ADAMTS3: variants seen among roughly 807,000 people sequenced by gnomAD.
ADAMTS3 encodes A disintegrin and metalloproteinase with thrombospondin motifs 3.
A neutral mutation model predicts 129.0 loss-of-function variants in ADAMTS3; 73 were observed. The observed-to-expected ratio is 0.57, with a 90% confidence interval of 0.47 to 0.69. ADAMTS3 has a LOEUF of 0.69. Ranked by LOEUF, ADAMTS3 falls within the 30% of genes least tolerant of loss-of-function variation. ADAMTS3 has a pLI of 0.00. For missense variants in ADAMTS3, 1,457 were observed against 1,514.5 expected (o/e 0.96, Z 0.63); for synonymous variants, 477 against 510.8 (o/e 0.93, Z 0.89).
At chr4:72,455,850 T>G (rs1157032350) in intron 3 of ADAMTS3, among the ~76,000 whole-genome samples, 9 of 118,730 alleles carry the variant, frequency 7.6e-5, no homozygotes, top group African/African-American at 3.3e-4. Context: ...ATACTATATA[T>G]TTTATATATA....
At position 72,349,722 on chromosome 4, in the gene ADAMTS3, ATC is replaced by A. The variant is rs372834157; in HGVS notation, c.662-10031_662-10030del. ...TATCCTGATTAAAAATTTACTTCAT[ATC>A]TCTTTGTTATGATGCAATAAAATTT... On this transcript the variant is annotated intron_variant, in intron 4 of 21. Transcript: ENST00000286657. Among the ~76,000 whole-genome samples, 469 of 152,162 alleles carry A rather than the reference ATC, an allele frequency of 3.1e-3. 3 individuals carry two copies. The highest frequency in any genetic ancestry group is 0.011 in the African/African-American group (453 of 41,544).
chr4:72,528,214 T>TAA (rs71821571), intron 3 of ADAMTS3, among the ~76,000 whole-genome samples: 30 of 148,468 alleles, frequency 2.0e-4, no homozygotes, highest in East Asian at 5.9e-4. Context: ...ATTCTCTCTT[T>TAA]AAAAAAAAAA....
In ADAMTS3 at chr4:72,521,182, G is replaced by C. The variant is rs1288586542; in HGVS notation, c.504+27296C>G. 2.0e-5 allele frequency among the ~76,000 whole-genome samples: 3 copies of C among 151,990 alleles called. No individual in the cohort carries two copies. The East Asian group carries it at 5.8e-4, about 29-fold the overall frequency. ...CCAGCTAATTTTTGTAGTTTTAGTAGAGACAGGGTTTCACCATGTTGGCCA... is the reference window on the plus strand; with the variant it reads ...CCAGCTAATTTTTGTAGTTTTAGTACAGACAGGGTTTCACCATGTTGGCCA... On this transcript the variant is annotated intron_variant, in intron 3 of 21. Transcript: ENST00000286657.
At chr4:72,314,977 G>A (rs1256018563) in intron 11 of ADAMTS3, among the ~76,000 whole-genome samples, 1 of 152,086 alleles carries the variant, frequency 6.6e-6, no homozygotes, top group Non-Finnish European at 1.5e-5. Flanking sequence ...TTTGTTTTGG[G>A]ATCTTTGCCC....
chr4:72,303,280 A>G (rs1368936969), intron 17 of ADAMTS3, among the ~76,000 whole-genome samples: 5 of 151,928 alleles, frequency 3.3e-5, no homozygotes, highest in African/African-American at 1.2e-4. Context: ...CCTAGCCCAA[A>G]TAAAGTGTGT....
intron 18 of ADAMTS3, among the ~76,000 whole-genome samples, chr4:72,297,399 C>A (rs922892336): frequency 1.3e-5 from 2 of 152,064 alleles, no homozygotes; most frequent in African/African-American, 2.4e-5. Context: ...ATTCTTCCCT[C>A]AAGAAAACAC....
chr4:72,450,886 G>T lies in ADAMTS3; in HGVS notation c.505-35915C>A, dbSNP rs72852085. On this transcript the variant is annotated intron_variant, in intron 3 of 21. Coordinates refer to ENST00000286657, the MANE Select transcript of ADAMTS3 (RefSeq NM_014243.3). ...CACTACCCCCAAAACAGGAATAAAT[G>T]GGAGCAATAGAAAGAGGAGGAGGAG... Among the ~76,000 whole-genome samples, 815 of 150,570 alleles carry T rather than the reference G, an allele frequency of 5.4e-3. 11 individuals are homozygous for T. The highest frequency in any genetic ancestry group is 0.019 in the African/African-American group (778 of 41,008).
intron 4 of ADAMTS3, among the ~76,000 whole-genome samples, chr4:72,392,279 C>G (rs532987901): frequency 6.6e-6 from 1 of 152,136 alleles, no homozygotes; most frequent in African/African-American, 2.4e-5. Context: ...CATTCCATCT[C>G]GAAACAAGAG....
At chr4:72,388,145 T>C (rs1721494426) in intron 4 of ADAMTS3, among the ~76,000 whole-genome samples, 1 of 152,228 alleles carries the variant, frequency 6.6e-6, no homozygotes. Flanking sequence ...ACAAATCCTG[T>C]TGCTGTCATG....
intron 3 of ADAMTS3, among the ~76,000 whole-genome samples, chr4:72,499,650 G>T (rs752345970): frequency 9.2e-5 from 14 of 151,854 alleles, no homozygotes; most frequent in African/African-American, 3.4e-4. Context: ...TTTTAGATTC[G>T]GGAGTACATT....
At chr4:72,338,198 G>A (rs1238530089) in intron 5 of ADAMTS3, among the ~76,000 whole-genome samples, 1 of 152,092 alleles carries the variant, frequency 6.6e-6, no homozygotes, top group African/African-American at 2.4e-5. Flanking sequence ...GCAGGACAGA[G>A]AGTCCAAGAA....
At chr4:72,386,284 T>C (rs1230248579) in intron 4 of ADAMTS3, among the ~76,000 whole-genome samples, 1 of 152,202 alleles carries the variant, frequency 6.6e-6, no homozygotes, top group East Asian at 1.9e-4. Flanking sequence ...TTTGTATGTA[T>C]GTGTATGGAT....
intron 4 of ADAMTS3, among the ~76,000 whole-genome samples, chr4:72,342,856 T>C (rs1222088446): frequency 6.6e-6 from 1 of 152,140 alleles, no homozygotes; most frequent in African/African-American, 2.4e-5. Flanking sequence ...CAACACCTAT[T>C]GAAGTGGCAT....
intron 3 of ADAMTS3, among the ~76,000 whole-genome samples, chr4:72,455,632 AAAAG>A (rs1213576510): frequency 1.3e-5 from 2 of 149,674 alleles, no homozygotes; most frequent in Non-Finnish European, 3.0e-5. Context: ...AAAAAAAAAA[AAAAG>A]AAAGAAAGAA....
intron 3 of ADAMTS3, among the ~76,000 whole-genome samples, chr4:72,521,800 T>C (rs1028888672): frequency 2.0e-5 from 3 of 152,200 alleles, no homozygotes; most frequent in Non-Finnish European, 4.4e-5. Context: ...AAAGAGCAGT[T>C]ACCAGGAAAA....
intron 19 of ADAMTS3, among the ~76,000 whole-genome samples, chr4:72,293,254 G>A (rs1367718022): frequency 6.6e-6 from 1 of 152,142 alleles, no homozygotes; most frequent in Non-Finnish European, 1.5e-5. Flanking sequence ...GTGAAGCCAA[G>A]ACTGAAAGCA....
intron 4 of ADAMTS3, among the ~76,000 whole-genome samples, chr4:72,341,611 G>A (rs1329923914): frequency 6.6e-6 from 1 of 152,184 alleles, no homozygotes; most frequent in Non-Finnish European, 1.5e-5. Flanking sequence ...TTGGCAGAAT[G>A]CTCAGAGAAA....
intron 15 of ADAMTS3, 66 bp downstream of exon 15, chr4:72,309,331 G>A (rs12501859): frequency 0.21 from 324,590 of 1,523,488 alleles, 39,535 homozygotes; most frequent in East Asian, 0.47. Flanking sequence ...CATTTCTAAA[G>A]GAAGAAGCCT....
rs769261991 is a variant in ADAMTS3 at position 72,312,337 on chromosome 4, T to C, written c.1875A>G (p.Glu625=). 2.5e-6 allele frequency: 4 copies of C among 1,613,696 alleles called. No individual in the cohort carries two copies. In the African/African-American group the frequency reaches 5.3e-5, roughly 22 times the overall value. ...ACCAGTGGTGTTTGGTATTCTGGTA[T>C]TCAAAGTGGGAGTTTCGCTGCTGAC... ...QQCQQRNSHF[E]YQNTKHHWLP... Residue 625 remains glutamate (E), a synonymous_variant, in exon 13 of 22, where the codon GAA becomes GAG. Transcript: ENST00000286657.
Sources: gnomAD v4.1 joint callset for allele counts (sites outside exome capture counted in the v4.1 genomes callset) on GRCh38, gnomAD v4.1.1 for gene constraint, MANE v1.5 for transcripts, NCBI Gene and HGNC (gene_info 2026-07-23, HGNC 2026-07-21) for gene names.